Variants in CACNA2D2 observed in about 807,000 individuals in gnomAD.
The protein encoded by CACNA2D2 is calcium voltage-gated channel auxiliary subunit alpha2delta 2, also known as voltage-dependent calcium channel subunit alpha-2/delta-2.
Under a neutral mutation model 166.4 loss-of-function variants are expected in CACNA2D2, and 48 were observed. That is an observed-to-expected ratio of 0.29 (90% confidence interval 0.23 to 0.37). The LOEUF (loss-of-function observed/expected upper bound fraction) is 0.37. Ranked by LOEUF, CACNA2D2 falls within the 10% of genes least tolerant of loss-of-function variation. CACNA2D2 has a pLI of 1.00. For synonymous variants in CACNA2D2, 561 were observed against 573.7 expected (o/e 0.98, Z 0.32); for missense variants, 1,122 against 1,433.0 (o/e 0.78, Z 3.50).
At chr3:50,417,098 G>A (rs1707301125) in intron 3 of CACNA2D2, among the ~76,000 whole-genome samples, 1 of 152,156 alleles carries the variant, frequency 6.6e-6, no homozygotes, top group South Asian at 2.1e-4. Context: ...GCCCACATGA[G>A]AGCCTGTGAG....
At position 50,427,037 on chromosome 3, in the gene CACNA2D2, C is replaced by T. The variant is rs1707837138; in HGVS notation, c.405+7276G>A. 6.6e-6 allele frequency among the ~76,000 whole-genome samples: 1 copy of T among 152,192 alleles called. No individual in the cohort carries two copies. Among genetic ancestry groups the T allele is most frequent in the Admixed American group, 6.5e-5 (1 of 15,290 alleles). ...GCAGGCAGGGGAGGCCGTCCCCACA[C>T]TCATGTCCAGCTGTTGGGGGTAGCG... On this transcript the variant is annotated intron_variant, in intron 3 of 37. Transcript: ENST00000424201. This position sits in a 1 kb window ranked among gnomAD's most constrained non-coding sequence, Gnocchi z 4.7.
chr3:50,488,728 C>T (rs1175076518), intron 1 of CACNA2D2, among the ~76,000 whole-genome samples: 2 of 151,684 alleles, frequency 1.3e-5, no homozygotes, highest in African/African-American at 4.8e-5. Context: ...GAGACAGAGT[C>T]TCGCTCTGTT....
chr3:50,479,193 C>T (rs185615147), intron 1 of CACNA2D2, among the ~76,000 whole-genome samples: 20 of 152,298 alleles, frequency 1.3e-4, no homozygotes, highest in South Asian at 4.1e-4. Flanking sequence ...CTCTCTCTTA[C>T]GCACAGTCTC....
At chr3:50,428,148 T>A (rs1270884497) in intron 3 of CACNA2D2, among the ~76,000 whole-genome samples, 1 of 152,100 alleles carries the variant, frequency 6.6e-6, no homozygotes, top group East Asian at 1.9e-4. Flanking sequence ...TGGCGGTATT[T>A]AGAAATATTT....
intron 6 of CACNA2D2, among the ~76,000 whole-genome samples, chr3:50,383,227 G>A (rs587658971): frequency 1.3e-5 from 2 of 152,156 alleles, no homozygotes; most frequent in Non-Finnish European, 2.9e-5. Flanking sequence ...TGGGGAGCAG[G>A]GGGGAGCATC....
intron 3 of CACNA2D2, among the ~76,000 whole-genome samples, chr3:50,404,201 G>T (rs1358085538): frequency 6.6e-6 from 1 of 152,196 alleles, no homozygotes; most frequent in African/African-American, 2.4e-5. Flanking sequence ...GATGGTGTGG[G>T]GGGTGAAGGT....
intron 2 of CACNA2D2, among the ~76,000 whole-genome samples, chr3:50,439,590 G>C (rs1466453975): frequency 6.6e-6 from 1 of 152,214 alleles, no homozygotes; most frequent in Admixed American, 6.5e-5. Flanking sequence ...GCAGCCAGGT[G>C]AAAGTCTTAA....
chr3:50,475,539 C>T (rs1710272633), intron 2 of CACNA2D2, among the ~76,000 whole-genome samples: 1 of 152,214 alleles, frequency 6.6e-6, no homozygotes, highest in Non-Finnish European at 1.5e-5. Flanking sequence ...CATTTTGCAG[C>T]TTCCGGGGGT....
intron 1 of CACNA2D2, among the ~76,000 whole-genome samples, chr3:50,498,710 G>C (rs1432158329): frequency 6.6e-6 from 1 of 152,242 alleles, no homozygotes; most frequent in Non-Finnish European, 1.5e-5. Flanking sequence ...GGAGGAAAGA[G>C]AGACAGACAG....
At chr3:50,388,703 G>C (rs759865076) in intron 4 of CACNA2D2, among the ~76,000 whole-genome samples, 122 of 152,194 alleles carry the variant, frequency 8.0e-4, no homozygotes, top group Non-Finnish European at 1.4e-3. Context: ...CTCCCTCTCT[G>C]AGCCCCAGGC....
chr3:50,462,900 A>G (rs1330122717), intron 2 of CACNA2D2, among the ~76,000 whole-genome samples: 1 of 149,774 alleles, frequency 6.7e-6, no homozygotes, highest in Non-Finnish European at 1.5e-5. Context: ...GAAAAAAAAA[A>G]GAGAGAGGGA....
At chr3:50,383,823 G>A (rs1705447561) in intron 6 of CACNA2D2, among the ~76,000 whole-genome samples, 1 of 152,204 alleles carries the variant, frequency 6.6e-6, no homozygotes, top group Non-Finnish European at 1.5e-5. Context: ...CTACTTGGGG[G>A]CAGGGAATGG....
At chr3:50,418,918 T>A (rs1003448936) in intron 3 of CACNA2D2, among the ~76,000 whole-genome samples, 1 of 152,002 alleles carries the variant, frequency 6.6e-6, no homozygotes, top group African/African-American at 2.4e-5. Flanking sequence ...TATGCAACCA[T>A]GGGGAGCAGC....
chr3:50,373,121 CA>C, intron 22 of CACNA2D2: 1 of 1,504,744 alleles, frequency 6.6e-7, no homozygotes, highest in Non-Finnish European at 8.9e-7. Flanking sequence ...GCGAGGAAAA[CA>C]AAAACAACAC....
At chr3:50,438,179 G>C (rs1395954914) in intron 2 of CACNA2D2, among the ~76,000 whole-genome samples, 2 of 152,180 alleles carry the variant, frequency 1.3e-5, no homozygotes, top group African/African-American at 2.4e-5. Context: ...GACAATTCAG[G>C]AGTCTGTTTG....
At chr3:50,419,969 A>C (rs558311614) in intron 3 of CACNA2D2, 1 of 152,342 alleles carries the variant, frequency 6.6e-6, no homozygotes, top group South Asian at 2.1e-4. Context: ...CACAGGGGAG[A>C]GGGTGGCCAG....
intron 2 of CACNA2D2, among the ~76,000 whole-genome samples, chr3:50,463,236 C>G (rs1160046218): frequency 6.6e-6 from 1 of 152,068 alleles, no homozygotes; most frequent in Non-Finnish European, 1.5e-5. Flanking sequence ...CAGCCACAGG[C>G]ATCTGAGAGA....
At chr3:50,388,104 G>A (rs978967485) in intron 4 of CACNA2D2, among the ~76,000 whole-genome samples, 1 of 152,236 alleles carries the variant, frequency 6.6e-6, no homozygotes, top group Non-Finnish European at 1.5e-5. Flanking sequence ...TTCCACAACA[G>A]GAGTGGGAGA....
At chr3:50,451,310 A>G (rs143615444) in intron 2 of CACNA2D2, among the ~76,000 whole-genome samples, 7,720 of 152,134 alleles carry the variant, frequency 0.051, 524 homozygotes, top group African/African-American at 0.16. Context: ...TATTTTTAGT[A>G]AAGATGGGTT....
Sources: allele counts gnomAD v4.1 joint callset (sites outside exome capture counted in the v4.1 genomes callset), GRCh38; gene constraint gnomAD v4.1.1; non-coding constraint Gnocchi (gnomAD v3.1); transcripts MANE v1.5; gene names NCBI Gene and HGNC (gene_info 2026-07-23, HGNC 2026-07-21).